NEGR1: variants seen among roughly 807,000 people sequenced by gnomAD.
The protein encoded by NEGR1 is IgLON family member 4.
A neutral mutation model predicts 40.9 loss-of-function variants in NEGR1; 10 were observed. The ratio of observed to expected loss-of-function variants is 0.24; its 90% CI spans 0.15 to 0.42. The LOEUF (loss-of-function observed/expected upper bound fraction) is 0.42, where lower values mean the gene tolerates loss of function less well. Ranked by LOEUF, NEGR1 falls within the 10% of genes least tolerant of loss-of-function variation. The pLI, the probability that NEGR1 is intolerant of heterozygous loss-of-function variation, is 1.00. For missense variants in NEGR1, 352 were observed against 438.9 expected (o/e 0.80, Z 1.77); for synonymous variants, 185 against 166.8 (o/e 1.11, Z -0.84).
At position 72,081,884 on chromosome 1, in the gene NEGR1, C is replaced by A. The variant is rs549030143; in HGVS notation, c.177-146573G>T. On this transcript the variant is annotated intron_variant, in intron 1 of 6. Transcript: ENST00000357731. Reference sequence around the variant, plus strand: ...CAATGACAAGTACTTCCTTAAGAGACCTTACTAGATGTCTCTGAAACTTTA... The same window carrying A: ...CAATGACAAGTACTTCCTTAAGAGAACTTACTAGATGTCTCTGAAACTTTA... 8.5e-5 allele frequency among the ~76,000 whole-genome samples: 13 copies of A among 152,118 alleles called. 1 individual carries two copies. The South Asian group carries it at 2.7e-3, about 32-fold the overall frequency.
At chr1:71,851,710 T>C (rs952347648) in intron 2 of NEGR1, among the ~76,000 whole-genome samples, 1 of 152,116 alleles carries the variant, frequency 6.6e-6, no homozygotes, top group Non-Finnish European at 1.5e-5. Flanking sequence ...ACAGAAACTG[T>C]AGCATTTGAG....
intron 1 of NEGR1, among the ~76,000 whole-genome samples, chr1:72,215,288 T>C (rs1478544279): frequency 6.6e-6 from 1 of 151,948 alleles, no homozygotes; most frequent in Admixed American, 6.6e-5. Context: ...GAAATACCAT[T>C]CAGGACATAG....
At chr1:71,654,033 G>A (rs987151636) in intron 4 of NEGR1, among the ~76,000 whole-genome samples, 1 of 152,028 alleles carries the variant, frequency 6.6e-6, no homozygotes, top group Admixed American at 6.6e-5. Context: ...AGCTATGAAG[G>A]TATAAAAAGA....
intron 3 of NEGR1, among the ~76,000 whole-genome samples, chr1:71,770,120 G>GA (rs1439109823): frequency 6.6e-6 from 1 of 152,104 alleles, no homozygotes; most frequent in Non-Finnish European, 1.5e-5. Flanking sequence ...TAGGAATTTT[G>GA]AAAAAACCTT....
chr1:71,675,109 A>G (rs1320030634), intron 4 of NEGR1, among the ~76,000 whole-genome samples: 2 of 59,404 alleles, frequency 3.4e-5, no homozygotes, highest in Non-Finnish European at 6.4e-5. Context: ...ATGCATGTTT[A>G]TTCATATATA....
chr1:72,038,759 G>C (rs1646926762), intron 1 of NEGR1, among the ~76,000 whole-genome samples: 1 of 151,906 alleles, frequency 6.6e-6, no homozygotes, highest in Non-Finnish European at 1.5e-5. Context: ...GATGCTCCAT[G>C]AATCACCATA....
chr1:71,703,201 C>T (rs930463356), intron 3 of NEGR1: 2 of 152,030 alleles, frequency 1.3e-5, no homozygotes, highest in Non-Finnish European at 2.9e-5. Context: ...ATGGAGATTC[C>T]AAAAGGCTAA....
At chr1:71,550,897 T>C (rs930731066) in intron 6 of NEGR1, among the ~76,000 whole-genome samples, 7 of 151,624 alleles carry the variant, frequency 4.6e-5, no homozygotes, top group Admixed American at 3.3e-4. Context: ...GCCCTACGTA[T>C]TCACTACGTA....
intron 2 of NEGR1, among the ~76,000 whole-genome samples, chr1:71,928,981 A>G (rs769118680): frequency 1.3e-5 from 2 of 152,120 alleles, no homozygotes; most frequent in Non-Finnish European, 2.9e-5. Context: ...TGCAAAGGGA[A>G]TAAGAATGAG....
intron 3 of NEGR1, among the ~76,000 whole-genome samples, chr1:71,751,364 G>T (rs938872521): frequency 4.6e-5 from 7 of 152,152 alleles, no homozygotes; most frequent in Admixed American, 1.3e-4. Context: ...TTCAAGAAAA[G>T]TATTTGACTC....
intron 2 of NEGR1, among the ~76,000 whole-genome samples, chr1:71,902,954 TG>T (rs1219585860): frequency 7.2e-5 from 11 of 152,000 alleles, no homozygotes; most frequent in Non-Finnish European, 8.8e-5. Context: ...TTATTATAAT[TG>T]AAAAAAACAT....
chr1:71,786,618 G>A (rs1365021864), intron 2 of NEGR1, among the ~76,000 whole-genome samples: 1 of 152,092 alleles, frequency 6.6e-6, no homozygotes, highest in Non-Finnish European at 1.5e-5. Flanking sequence ...GTCCATCTTA[G>A]GGCAAAGTTC....
At chr1:72,123,092 A>C (rs1239182573) in intron 1 of NEGR1, among the ~76,000 whole-genome samples, 2 of 151,940 alleles carry the variant, frequency 1.3e-5, no homozygotes, top group Non-Finnish European at 2.9e-5. Flanking sequence ...GTCAATCTCC[A>C]TGTGAAGTTT....
At chr1:71,430,792 C>T (rs1159813489) in intron 6 of NEGR1, among the ~76,000 whole-genome samples, 18 of 150,672 alleles carry the variant, frequency 1.2e-4, no homozygotes, top group African/African-American at 3.4e-4. Context: ...CTGCAAGCTC[C>T]GCCTCCCGAG....
At chr1:72,019,962 C>T (rs148611435) in intron 1 of NEGR1, among the ~76,000 whole-genome samples, 1 of 152,288 alleles carries the variant, frequency 6.6e-6, no homozygotes, top group Admixed American at 6.5e-5. Flanking sequence ...AAACCTAATG[C>T]TGCAAAGCAG....
intron 3 of NEGR1, among the ~76,000 whole-genome samples, chr1:71,704,196 C>T (rs1256451549): frequency 3.3e-5 from 5 of 150,404 alleles, no homozygotes; most frequent in African/African-American, 1.2e-4. Flanking sequence ...CACACACACA[C>T]ACACACAAGA....
chr1:71,987,188 T>C (rs1646402490), intron 1 of NEGR1, among the ~76,000 whole-genome samples: 1 of 152,182 alleles, frequency 6.6e-6, no homozygotes, highest in African/African-American at 2.4e-5. Flanking sequence ...TCCAATTCCC[T>C]CCCAGAATTG....
intron 6 of NEGR1, among the ~76,000 whole-genome samples, chr1:71,414,657 T>A (rs1411135574): frequency 6.6e-6 from 1 of 152,170 alleles, no homozygotes; most frequent in Non-Finnish European, 1.5e-5. Flanking sequence ...TGCACAGCGA[T>A]TTCTAGGAAG....
At chr1:71,643,869 G>A (rs1177383395) in intron 4 of NEGR1, among the ~76,000 whole-genome samples, 4 of 151,900 alleles carry the variant, frequency 2.6e-5, no homozygotes, top group African/African-American at 9.7e-5. Context: ...TATGGATTTT[G>A]CAAAAACTGA....
Sources: gnomAD v4.1 joint callset for allele counts (sites outside exome capture counted in the v4.1 genomes callset) on GRCh38, gnomAD v4.1.1 for gene constraint, MANE v1.5 for transcripts, NCBI Gene and HGNC (gene_info 2026-07-23, HGNC 2026-07-21) for gene names.